The following LNPEP variants were observed in gnomAD, a reference collection of about 807,000 sequenced individuals.
LNPEP encodes the protein leucyl and cystinyl aminopeptidase, also known as leucyl-cystinyl aminopeptidase.
Under a neutral mutation model 120.6 loss-of-function variants are expected in LNPEP, and 64 were observed. The observed-to-expected ratio is 0.53, with a 90% CI of 0.43 to 0.65. The LOEUF (loss-of-function observed/expected upper bound fraction) is 0.65. Ranked by LOEUF, LNPEP falls within the 30% of genes least tolerant of loss-of-function variation. The probability of loss-of-function intolerance (pLI) is 0.00; values close to 1 mark genes in which losing one functional copy is unlikely to be tolerated. For missense variants in LNPEP, 1,057 were observed against 1,200.0 expected, an observed-to-expected ratio of 0.88 and a Z score of 1.76; for synonymous variants, 435 against 425.4, an observed-to-expected ratio of 1.02 and a Z score of -0.28.
chr5:96,997,323 A>G (rs1267694175), intron 7 of LNPEP, among the ~76,000 whole-genome samples: 1 of 152,126 alleles, frequency 6.6e-6, no homozygotes, highest in Non-Finnish European at 1.5e-5. Context: ...GCTTGTTGAA[A>G]AATTTCAAGT....
intron 6 of LNPEP, among the ~76,000 whole-genome samples, chr5:96,994,552 G>C (rs1039516046): frequency 2.0e-5 from 3 of 151,444 alleles, no homozygotes; most frequent in Admixed American, 2.0e-4. Context: ...AAAGGGTACT[G>C]TTTGTATGAC....
intron 8 of LNPEP, among the ~76,000 whole-genome samples, chr5:97,001,900 G>C (rs764712698): frequency 1.4e-4 from 22 of 152,174 alleles, no homozygotes; most frequent in Non-Finnish European, 2.8e-4. Context: ...AGCACTTTGG[G>C]AGGCCAAGGT....
chr5:96,963,106 C>CACTT, intron 1 of LNPEP, among the ~76,000 whole-genome samples: 1 of 152,248 alleles, frequency 6.6e-6, no homozygotes, highest in East Asian at 1.9e-4. Context: ...AATCATGAGA[C>CACTT]ACTGCATGTG....
intron 2 of LNPEP, among the ~76,000 whole-genome samples, chr5:96,981,600 A>C (rs1435013261): frequency 6.6e-6 from 1 of 152,152 alleles, no homozygotes; most frequent in East Asian, 1.9e-4. Flanking sequence ...CAATATTCTG[A>C]TGGGAAGAGA....
At chr5:97,027,856 C>A in intron 17 of LNPEP, 42 bp downstream of exon 17, 2 of 1,164,376 alleles carry the variant, frequency 1.7e-6, no homozygotes, top group South Asian at 1.2e-5. Context: ...GGGCAACCCT[C>A]CGCACACCCG....
At chr5:96,995,846 G>A (rs940112871) in intron 6 of LNPEP, among the ~76,000 whole-genome samples, 3 of 152,240 alleles carry the variant, frequency 2.0e-5, no homozygotes, top group Middle Eastern at 3.4e-3. Context: ...TAGTCTTAAG[G>A]AATGTTGTTT....
At position 97,015,104 on chromosome 5, in the gene LNPEP, G is replaced by A; in HGVS notation, c.2376+9G>A. ...TGGCCTCAAGACTGGTGGTAAGTCT[G>A]CCTTTTTGCCAGCTTCTTGCTGTTT... On this transcript the variant is annotated intron_variant, in intron 13 of 17. Coordinates refer to ENST00000231368, the MANE Select transcript of LNPEP (RefSeq NM_005575.3). The A allele has an allele frequency of 6.6e-7, 1 of 1,517,322 alleles. No individual in the cohort carries two copies. Among genetic ancestry groups the A allele is most frequent in the Non-Finnish European group, 8.8e-7 (1 of 1,133,658 alleles). 94.0% of individuals were successfully genotyped at this position (1,517,322 alleles called of 1,614,324 possible).
At chr5:97,020,349 T>C (rs552176806) in intron 13 of LNPEP, among the ~76,000 whole-genome samples, 1 of 152,326 alleles carries the variant, frequency 6.6e-6, no homozygotes, top group South Asian at 2.1e-4. Flanking sequence ...TGTGGTCATC[T>C]GTGGTACATG....
At chr5:97,020,664 TG>T (rs1354797548) in intron 13 of LNPEP, among the ~76,000 whole-genome samples, 6 of 152,044 alleles carry the variant, frequency 3.9e-5, no homozygotes, top group Admixed American at 2.6e-4. Context: ...TAGCCGGATG[TG>T]GTGGCGGGCG....
chr5:96,976,085 A>G (rs1332976831), intron 1 of LNPEP, among the ~76,000 whole-genome samples: 1 of 152,168 alleles, frequency 6.6e-6, no homozygotes, highest in Admixed American at 6.6e-5. Flanking sequence ...ATCATGTGTT[A>G]TGTTACAATT....
intron 8 of LNPEP, among the ~76,000 whole-genome samples, chr5:96,998,438 T>C (rs539649530): frequency 5.1e-4 from 78 of 152,288 alleles, no homozygotes; most frequent in Non-Finnish European, 9.4e-4. Flanking sequence ...AGGTAGAATA[T>C]GTTCAGAGAA....
chr5:96,951,921 C>G (rs2112568204), intron 1 of LNPEP, among the ~76,000 whole-genome samples: 1 of 152,212 alleles, frequency 6.6e-6, no homozygotes, highest in Non-Finnish European at 1.5e-5. Flanking sequence ...ATCAAGATGT[C>G]TGGAGAGTTT....
At chr5:96,939,597 A>ATAATT (rs35929998) in intron 1 of LNPEP, among the ~76,000 whole-genome samples, 74,711 of 151,286 alleles carry the variant, frequency 0.49, 18,565 homozygotes, top group African/African-American at 0.56. Context: ...AACTGAAAAC[A>ATAATT]TAAATAGTTT....
chr5:96,939,339 G>A (rs1056092097), intron 1 of LNPEP, among the ~76,000 whole-genome samples: 8 of 150,982 alleles, frequency 5.3e-5, no homozygotes, highest in South Asian at 2.1e-4. Context: ...TCAGCCTCCC[G>A]AGTAGCTGGG....
At chr5:96,944,176 A>G (rs1028466787) in intron 1 of LNPEP, among the ~76,000 whole-genome samples, 1 of 152,260 alleles carries the variant, frequency 6.6e-6, no homozygotes, top group Non-Finnish European at 1.5e-5. Context: ...TATTTCTCAC[A>G]GCTGAAACTG....
chr5:96,992,507 T>C (rs1243387878), intron 4 of LNPEP, among the ~76,000 whole-genome samples: 2 of 152,200 alleles, frequency 1.3e-5, no homozygotes, highest in Non-Finnish European at 2.9e-5. Context: ...ATGCCTTATA[T>C]GTTAACTTTA....
intron 8 of LNPEP, among the ~76,000 whole-genome samples, chr5:97,001,164 G>T (rs969095132): frequency 6.6e-6 from 1 of 152,222 alleles, no homozygotes; most frequent in Admixed American, 6.5e-5. Context: ...GGACTAGTTA[G>T]GAAGTTATTG....
At position 97,027,733 on chromosome 5, in the gene LNPEP, G is replaced by A; in HGVS notation, c.2865G>A (p.Lys955=). ...VKENWNKLVQ[K]FPLGSYTIQN... ...TGCTCTTGTTTTTGTGTTTCTTCAG[G>A]TTCCCTCTGGGGTCCTATACCATAC... The change falls in exon 17 of 18, where the codon AAG becomes AAA. Residue 955 remains lysine, a splice_region_variant and synonymous_variant. Coordinates refer to ENST00000231368, the MANE Select transcript of LNPEP (RefSeq NM_005575.3). The A allele has an allele frequency of 1.3e-6, 2 of 1,586,770 alleles. No individual in the cohort carries two copies. Among genetic ancestry groups the A allele is most frequent in the Non-Finnish European group, 1.7e-6 (2 of 1,155,874 alleles).
intron 1 of LNPEP, among the ~76,000 whole-genome samples, chr5:96,957,325 G>GT (rs545650507): frequency 1.4e-4 from 22 of 152,304 alleles, no homozygotes; most frequent in Admixed American, 2.6e-4. Flanking sequence ...TGGCTCCAAT[G>GT]TTAGTTTAGT....
Sources: allele counts gnomAD v4.1 joint callset (sites outside exome capture counted in the v4.1 genomes callset), GRCh38; gene constraint gnomAD v4.1.1; transcripts MANE v1.5; gene names NCBI Gene and HGNC (gene_info 2026-07-23, HGNC 2026-07-21).